Variants in NTM observed in about 807,000 individuals in gnomAD.
NTM encodes the protein IgLON family member 2.
Under a neutral mutation model 42.1 loss-of-function variants are expected in NTM, and 13 were observed. The observed-to-expected ratio is 0.31, with a 90% CI of 0.20 to 0.49. The LOEUF (loss-of-function observed/expected upper bound fraction) is 0.49. NTM is among the 20% of genes least tolerant of loss of function. The probability of loss-of-function intolerance (pLI) is 0.99; values close to 1 mark genes in which losing one functional copy is unlikely to be tolerated. For missense variants in NTM, 373 were observed against 452.8 expected, an observed-to-expected ratio of 0.82 and a Z score of 1.60; for synonymous variants, 187 against 179.2, an observed-to-expected ratio of 1.04 and a Z score of -0.35.
intron 1 of NTM, among the ~76,000 whole-genome samples, chr11:131,403,789 C>A (rs532311623): frequency 2.6e-4 from 39 of 152,316 alleles, no homozygotes; most frequent in African/African-American, 9.4e-4. Flanking sequence ...CAGGAACTAA[C>A]TTATCTTCCA....
chr11:132,316,820 A>ACCATCAATG (rs1668622460), intron 7 of NTM, among the ~76,000 whole-genome samples: 1 of 152,174 alleles, frequency 6.6e-6, no homozygotes, highest in South Asian at 2.1e-4. Flanking sequence ...ATTGAGGCTC[A>ACCATCAATG]CCATCAATGA....
At chr11:132,038,367 T>C (rs1217451836) in intron 2 of NTM, among the ~76,000 whole-genome samples, 1 of 152,206 alleles carries the variant, frequency 6.6e-6, no homozygotes, top group African/African-American at 2.4e-5. Context: ...TGCAGAGAAG[T>C]TCACGGGTGT....
chr11:131,997,788 G>A (rs1023448001), intron 2 of NTM, among the ~76,000 whole-genome samples: 3 of 152,142 alleles, frequency 2.0e-5, no homozygotes, highest in African/African-American at 7.2e-5. Flanking sequence ...CAATGAAGGT[G>A]GCATTTGCCC....
In NTM at chr11:131,661,724, AT is replaced by A. The variant is rs2068101767; in HGVS notation, c.83-249839del. Among the ~76,000 whole-genome samples the A allele has an allele frequency of 3.3e-5, 5 of 152,258 alleles. No homozygotes were observed. The South Asian group carries it at 1.0e-3, about 32-fold the overall frequency. The stretch of plus-strand genomic sequence containing the variant: ...TTTTGGCTTTCTACTGCTCTTAAAT[AT>A]AATTGCTTTCCCCTAAGAGTAGAGT... On this transcript the variant is annotated intron_variant, in intron 1 of 8. Coordinates refer to ENST00000683400, the MANE Select transcript of NTM (RefSeq NM_001352005.2).
At chr11:131,621,236 C>T (rs948554474) in intron 1 of NTM, among the ~76,000 whole-genome samples, 4 of 152,152 alleles carry the variant, frequency 2.6e-5, no homozygotes, top group Non-Finnish European at 4.4e-5. Context: ...GTTTACACTA[C>T]CCAGCTAGGT....
chr11:132,032,357 G>T (rs565050441), intron 2 of NTM, among the ~76,000 whole-genome samples: 1 of 152,250 alleles, frequency 6.6e-6, no homozygotes, highest in East Asian at 1.9e-4. Flanking sequence ...CCACTCTGTG[G>T]GAAGTCTCAT....
chr11:132,312,024 T>A (rs1225496192), intron 6 of NTM, among the ~76,000 whole-genome samples: 1 of 152,160 alleles, frequency 6.6e-6, no homozygotes, highest in Non-Finnish European at 1.5e-5. Context: ...CCCTTTCCAT[T>A]TAGTGGTTTA....
chr11:131,500,587 TTTTTTTTTG>T (rs2046671806), intron 1 of NTM, among the ~76,000 whole-genome samples: 3 of 84,374 alleles, frequency 3.6e-5, no homozygotes, highest in African/African-American at 5.7e-5. Context: ...ATTTTTTTTT[TTTTTTTTTG>T]TATTATACTT....
At chr11:131,734,226 G>C (rs984746087) in intron 1 of NTM, among the ~76,000 whole-genome samples, 3 of 152,116 alleles carry the variant, frequency 2.0e-5, no homozygotes, top group Non-Finnish European at 4.4e-5. Context: ...GGTGAACTGA[G>C]GCTGTCCTTT....
At chr11:131,796,402 T>C (rs1423355880) in intron 1 of NTM, among the ~76,000 whole-genome samples, 2 of 152,084 alleles carry the variant, frequency 1.3e-5, no homozygotes, top group African/African-American at 2.4e-5. Flanking sequence ...CGGTGAATAG[T>C]AGGTGTTGAA....
At chr11:131,483,370 C>A (rs1025258176) in intron 1 of NTM, among the ~76,000 whole-genome samples, 13 of 152,286 alleles carry the variant, frequency 8.5e-5, no homozygotes, top group Non-Finnish European at 1.8e-4. Flanking sequence ...CACATCAAGT[C>A]TCAAGAGTGG....
At chr11:132,140,604 G>T (rs2068897378) in intron 2 of NTM, among the ~76,000 whole-genome samples, 1 of 152,184 alleles carries the variant, frequency 6.6e-6, no homozygotes, top group South Asian at 2.1e-4. Flanking sequence ...AGCAGCCTCA[G>T]TAGTGACGCT....
intron 1 of NTM, among the ~76,000 whole-genome samples, chr11:131,472,938 T>G (rs1428603457): frequency 2.0e-5 from 3 of 152,174 alleles, no homozygotes; most frequent in Non-Finnish European, 4.4e-5. Context: ...GACTAATTAC[T>G]CCGTGAAATA....
At chr11:132,321,159 G>A (rs2095559917) in intron 7 of NTM, among the ~76,000 whole-genome samples, 1 of 152,222 alleles carries the variant, frequency 6.6e-6, no homozygotes, top group Admixed American at 6.5e-5. Context: ...ACCAGCAACT[G>A]AACAAAGCTG....
At chr11:131,607,481 T>A (rs2061071387) in intron 1 of NTM, among the ~76,000 whole-genome samples, 1 of 152,212 alleles carries the variant, frequency 6.6e-6, no homozygotes, top group South Asian at 2.1e-4. Flanking sequence ...GGCCAATTAA[T>A]CCCAATCATG....
intron 4 of NTM, among the ~76,000 whole-genome samples, chr11:132,296,674 C>T (rs1286515007): frequency 6.6e-6 from 1 of 152,048 alleles, no homozygotes; most frequent in Non-Finnish European, 1.5e-5. Flanking sequence ...GTGTGTGTGC[C>T]TATATTTAGA....
chr11:131,516,548 A>T (rs2136510718), intron 1 of NTM, among the ~76,000 whole-genome samples: 1 of 152,110 alleles, frequency 6.6e-6, no homozygotes, highest in Non-Finnish European at 1.5e-5. Flanking sequence ...CAGCTAATTT[A>T]TCTAGCAGAG....
At chr11:131,520,170 C>T (rs1258686419) in intron 1 of NTM, among the ~76,000 whole-genome samples, 1 of 152,172 alleles carries the variant, frequency 6.6e-6, no homozygotes, top group East Asian at 1.9e-4. Flanking sequence ...ACCTAGAATT[C>T]CTTTAGCGCT....
chr11:132,321,785 C>T (rs1484083238), intron 7 of NTM, among the ~76,000 whole-genome samples: 7 of 149,558 alleles, frequency 4.7e-5, no homozygotes, highest in South Asian at 2.2e-4. Context: ...AGAGAAAGGT[C>T]GGGTTACCCT....
Sources: allele counts gnomAD v4.1 joint callset (sites outside exome capture counted in the v4.1 genomes callset), GRCh38; gene constraint gnomAD v4.1.1; transcripts MANE v1.5; gene names NCBI Gene and HGNC (gene_info 2026-07-23, HGNC 2026-07-21).